The following CHD1L variants were observed in gnomAD, a reference collection of about 807,000 sequenced individuals.
CHD1L encodes the protein chromodomain helicase DNA binding protein 1 like, also known as ATP-dependent chromatin remodeler CHD1L.
CHD1L carries 118 observed loss-of-function variants against 115.9 expected under a neutral mutation model. The ratio of observed to expected loss-of-function variants is 1.02; its 90% CI spans 0.88 to 1.19. The LOEUF is 1.19. CHD1L is among the 50% of genes most tolerant of loss of function. The pLI is 0.00. For synonymous variants in CHD1L, 411 were observed against 387.1 expected, an observed-to-expected ratio of 1.06 and a Z score of -0.72; for missense variants, 1,179 against 1,065.3, an observed-to-expected ratio of 1.11 and a Z score of -1.49.
At chr1:147,204,996 C>T in the CHD1L span, 2 of 909,692 alleles carry the variant, frequency 2.2e-6, no homozygotes, top group Non-Finnish European at 3.6e-6. Context: ...CAAAGGTTTT[C>T]ATGCCTGATG....
At chr1:147,250,286 T>C (rs1553935803) in intron 1 of CHD1L, among the ~76,000 whole-genome samples, 2 of 152,326 alleles carry the variant, frequency 1.3e-5, no homozygotes, top group Non-Finnish European at 2.9e-5. Context: ...GTTCTTGATA[T>C]AATGAATGAT....
chr1:147,232,660 G>C, the CHD1L span, among the ~76,000 whole-genome samples: 3 of 152,176 alleles, frequency 2.0e-5, no homozygotes, highest in Admixed American at 2.0e-4. Flanking sequence ...CGCCACGCCT[G>C]ACTGGTTTTC....
the CHD1L span, chr1:147,209,026 G>A: frequency 6.2e-7 from 1 of 1,614,080 alleles, no homozygotes; most frequent in Non-Finnish European, 8.5e-7. Context: ...CAGGATCCAA[G>A]CCCCTCTCCT....
chr1:147,265,596 A>G (rs1559787793), intron 7 of CHD1L, among the ~76,000 whole-genome samples: 1 of 152,218 alleles, frequency 6.6e-6, no homozygotes, highest in East Asian at 1.9e-4. Flanking sequence ...CTTAGCTATA[A>G]AAATGGGGAC....
At chr1:147,194,592 C>A in the CHD1L span, among the ~76,000 whole-genome samples, 1 of 152,154 alleles carries the variant, frequency 6.6e-6, no homozygotes, top group South Asian at 2.1e-4. Context: ...GATGCAGTTT[C>A]TTCCTAGCCT....
At chr1:147,243,144 T>C (rs587767609) in intron 1 of CHD1L, 333 of 223,252 alleles carry the variant, frequency 1.5e-3, no homozygotes, top group Non-Finnish European at 2.1e-3. Context: ...GCTGAAGAGT[T>C]GGACGGCCTG....
chr1:147,284,648 T>C (rs1682346538), intron 16 of CHD1L, 149 bp downstream of exon 16: 1 of 693,326 alleles, frequency 1.4e-6, no homozygotes, highest in Non-Finnish European at 2.3e-6. Context: ...TAATTAACTA[T>C]ACCCTAGTAT....
At chr1:147,287,762 AG>A (rs1553967320) in intron 19 of CHD1L, 29 bp downstream of exon 19, 1 of 1,589,518 alleles carries the variant, frequency 6.3e-7, no homozygotes, top group Admixed American at 1.7e-5. Flanking sequence ...GGAAAGGTTA[AG>A]GGTGGAATAA....
chr1:147,293,574 GT>G (rs1307685834), intron 20 of CHD1L, 33 bp from the exon 21 acceptor site: 1 of 1,580,220 alleles, frequency 6.3e-7, no homozygotes, highest in Admixed American at 1.7e-5. Context: ...GCTGTTTCAT[GT>G]TGGGTTGGTC....
At chr1:147,213,174 TG>T in the CHD1L span, 1 of 756,866 alleles carries the variant, frequency 1.3e-6, no homozygotes, top group Non-Finnish European at 1.9e-6. Context: ...AACATCCTTC[TG>T]GGGAACAAGA....
the CHD1L span, among the ~76,000 whole-genome samples, chr1:147,216,501 T>C: frequency 6.6e-6 from 1 of 152,042 alleles, no homozygotes; most frequent in African/African-American, 2.4e-5. Context: ...GGAAAGAGTA[T>C]AACATCTCCA....
chr1:147,269,070 C>T (rs373432981), intron 10 of CHD1L, among the ~76,000 whole-genome samples, 192 bp downstream of exon 10: 17 of 152,110 alleles, frequency 1.1e-4, no homozygotes, highest in Non-Finnish European at 1.5e-4. Flanking sequence ...ATCATTCTTT[C>T]GTTTCCTGAA....
the CHD1L span, among the ~76,000 whole-genome samples, chr1:147,207,015 C>T: frequency 6.6e-6 from 1 of 151,590 alleles, no homozygotes; most frequent in African/African-American, 2.4e-5. Flanking sequence ...TGACAGGATA[C>T]TAGATTTAAA....
At chr1:147,190,144 G>T in the CHD1L span, 1 of 1,366,742 alleles carries the variant, frequency 7.3e-7, no homozygotes, top group Non-Finnish European at 1.0e-6. Context: ...AAGTAGAAAT[G>T]TAACCATATA....
upstream of CHD1L, among the ~76,000 whole-genome samples, chr1:147,241,644 A>G (rs782470116): frequency 3.2e-4 from 49 of 152,336 alleles, 1 homozygote; most frequent in Middle Eastern, 6.8e-3. Context: ...GCTTCATAAA[A>G]CAGTGCTTTG....
intron 10 of CHD1L, 89 bp from the exon 11 acceptor site, chr1:147,270,843 A>T (rs1337778776): frequency 1.1e-5 from 11 of 1,038,548 alleles, no homozygotes; most frequent in Admixed American, 1.8e-5. Flanking sequence ...TTATTTATAA[A>T]CTTTTATTGT....
At chr1:147,193,965 G>A in the CHD1L span, among the ~76,000 whole-genome samples, 7 of 151,982 alleles carry the variant, frequency 4.6e-5, no homozygotes, top group Non-Finnish European at 1.0e-4. Flanking sequence ...GTGTGGTGCT[G>A]AAAAAAATGT....
chr1:147,238,326 T>C (rs189658713), upstream of CHD1L, among the ~76,000 whole-genome samples: 68 of 152,338 alleles, frequency 4.5e-4, no homozygotes, highest in Middle Eastern at 3.4e-3. Flanking sequence ...TCTGACTCAC[T>C]AGGTGCTTCT....
Position 147,259,732 on chromosome 1 carries a change from C to T in CHD1L, c.495-105C>T, listed in dbSNP as rs1193385538. On this transcript the variant is annotated intron_variant, in intron 5 of 22. Transcript: ENST00000369258. ...TGGCATTTGTAATAGAAGGGGCTTA[C>T]TGTTAAGTCTTTTTAATAACAGTCA... The T allele has an allele frequency of 4.3e-6, 4 of 924,690 alleles. No individual in the cohort carries two copies. The African/African-American group carries it at 5.0e-5, about 11-fold the overall frequency. 57.3% of individuals were successfully genotyped at this position (924,690 alleles called of 1,614,324 possible).
Sources: gnomAD v4.1 joint callset for allele counts (sites outside exome capture counted in the v4.1 genomes callset) on GRCh38, gnomAD v4.1.1 for gene constraint, MANE v1.5 for transcripts, NCBI Gene and HGNC (gene_info 2026-07-23, HGNC 2026-07-21) for gene names.